Variants in CALHM5 observed in about 807,000 individuals in gnomAD.
CALHM5 encodes calcium homeostasis modulator family member 5.
In CALHM5, 17 loss-of-function variants were observed where a neutral mutation model predicts 20.9. That is an observed-to-expected ratio of 0.82 (90% CI 0.56 to 1.22). The LOEUF is 1.22. Ranked by LOEUF, CALHM5 falls within the 50% of genes most tolerant of loss-of-function variation. The pLI, the probability that CALHM5 is intolerant of heterozygous loss-of-function variation, is 0.00. For synonymous variants in CALHM5, 148 were observed against 140.0 expected (o/e 1.06, Z -0.40); for missense variants, 360 against 364.6 (o/e 0.99, Z 0.10).
rs1393032929 is a variant in CALHM5, at chr6:116,524,295, A to T, written c.*8306A>T. 6.6e-6 allele frequency: 1 copy of T among 152,210 alleles called. No individual in the cohort carries two copies. The highest frequency in any genetic ancestry group is 1.9e-4 in the East Asian group (1 of 5,202). 9.4% of individuals were successfully genotyped at this position (152,210 alleles called of 1,614,324 possible). A position where few individuals can be genotyped will look rare whatever the true frequency, so the allele number is the denominator to read the frequency against. ...TTCTCTTTACATTTGTATATGTTTG[A>T]AAAATTTCATAAGGTACACAACAAA... On this transcript the variant is annotated 3_prime_UTR_variant, in exon 2 of 2. Coordinates refer to ENST00000368599, the MANE Select transcript of CALHM5 (RefSeq NM_153711.5).
Position 116,522,350 on chromosome 6 carries a change from C to G in CALHM5, c.*6361C>G, listed in dbSNP as rs970478533. The G allele has an allele frequency of 2.6e-5, 4 of 152,146 alleles. No homozygotes were observed. The highest frequency in any genetic ancestry group is 9.7e-5 in the African/African-American group (4 of 41,434). The allele number at this position is 152,146 out of a possible 1,614,324, so 9.4% of individuals were successfully genotyped here. The stretch of plus-strand genomic sequence containing the variant: ...AATAAATGTTTGTGGCTTTAAGCCA[C>G]TGAATTTTGGGGCAATATGAAGCGA... On this transcript the variant is annotated 3_prime_UTR_variant, in exon 2 of 2. Coordinates refer to ENST00000368599, the MANE Select transcript of CALHM5 (RefSeq NM_153711.5).
chr6:116,514,122 G>A (rs1040334630), intron 1 of CALHM5, among the ~76,000 whole-genome samples: 2 of 151,984 alleles, frequency 1.3e-5, no homozygotes, highest in African/African-American at 4.8e-5. Context: ...GGCTGGTATG[G>A]AAGCATCCAC....
chr6:116,513,104 A>C (rs9488952), intron 1 of CALHM5, among the ~76,000 whole-genome samples: 4,774 of 151,750 alleles, frequency 0.031, 250 homozygotes, highest in African/African-American at 0.11. Context: ...AAGTGGTAAG[A>C]GTTGATAAGC....
chr6:116,512,630 AAC>A (rs1404406856), intron 1 of CALHM5, among the ~76,000 whole-genome samples: 1 of 152,220 alleles, frequency 6.6e-6, no homozygotes, highest in African/African-American at 2.4e-5. Flanking sequence ...TGTTTTCTCA[AAC>A]ACACACATGT....
Position 116,521,802 on chromosome 6 carries a change from A to T in CALHM5, c.*5813A>T, listed in dbSNP as rs769241483. 1 of 152,246 alleles carries T rather than the reference A, an allele frequency of 6.6e-6. No homozygotes were observed. The highest frequency in any genetic ancestry group is 2.4e-5 in the African/African-American group (1 of 41,454). 9.4% of individuals were successfully genotyped at this position (152,246 alleles called of 1,614,324 possible). A position where few individuals can be genotyped will look rare whatever the true frequency, so the allele number is the denominator to read the frequency against. ...ATGGTTCAATGGCTCCTTCTGGCAG[A>T]TGTAGTCGTGTTATCCTCACTTTGA... On this transcript the variant is annotated 3_prime_UTR_variant, in exon 2 of 2. Coordinates refer to ENST00000368599, the MANE Select transcript of CALHM5 (RefSeq NM_153711.5).
intron 1 of CALHM5, among the ~76,000 whole-genome samples, chr6:116,514,194 C>T (rs1772178388): frequency 6.6e-6 from 1 of 152,032 alleles, no homozygotes; most frequent in Admixed American, 6.6e-5. Context: ...ATGCAAACGT[C>T]ATGTGAAAGG....
chr6:116,511,766 G>C lies in CALHM5; in HGVS notation c.70G>C (p.Ala24Pro). 6.2e-7 allele frequency: 1 copy of C among 1,613,988 alleles called. No homozygotes were observed. The highest frequency in any genetic ancestry group is 8.5e-7 in the Non-Finnish European group (1 of 1,179,966). ...AACTGTTATTGGCTACAGCTTCATG[G>C]CTCTGCTGACCGTGGGAAGTGAGCG... ...QKTVIGYSFM[A>P]LLTVGSERLF... Residue 24 changes from alanine (A) to proline (P), a missense_variant, in exon 1 of 2, where the codon GCT (alanine) becomes CCT (proline). Physicochemically the swap from Ala to Pro is conservative, Grantham distance 27. Coordinates refer to ENST00000368599, the MANE Select transcript of CALHM5 (RefSeq NM_153711.5).
rs1772393653 is a variant in CALHM5 at position 116,523,916 on chromosome 6, A to G, written c.*7927A>G. 1 of 152,238 alleles carries G rather than the reference A, an allele frequency of 6.6e-6. No homozygotes were observed. Among genetic ancestry groups the G allele is most frequent in the Non-Finnish European group, 1.5e-5 (1 of 68,040 alleles). The allele number at this position is 152,238 out of a possible 1,614,324, so 9.4% of individuals were successfully genotyped here. A position where few individuals can be genotyped will look rare whatever the true frequency, so the allele number is the denominator to read the frequency against. On this transcript the variant is annotated 3_prime_UTR_variant, in exon 2 of 2. Coordinates refer to ENST00000368599, the MANE Select transcript of CALHM5 (RefSeq NM_153711.5). ...AAGGAGAATAAAGGAGATATAAGTG[A>G]CTTAATAACCAGATATGCTATATAG... is the stretch of plus-strand genomic sequence containing the variant.
chr6:116,512,491 T>G, intron 1 of CALHM5: 1 of 430,388 alleles, frequency 2.3e-6, no homozygotes, highest in Non-Finnish European at 4.2e-6. Flanking sequence ...ATATAAATAC[T>G]TAAGTACTTT....
Position 116,516,810 on chromosome 6 carries a change from A to G in CALHM5, c.*821A>G, listed in dbSNP as rs1772238056. 1 of 151,750 alleles carries G rather than the reference A, an allele frequency of 6.6e-6. No individual in the cohort carries two copies. Among genetic ancestry groups the G allele is most frequent in the Admixed American group, 6.6e-5 (1 of 15,228 alleles). 9.4% of individuals were successfully genotyped at this position (151,750 alleles called of 1,614,324 possible). A position where few individuals can be genotyped will look rare whatever the true frequency, so the allele number is the denominator to read the frequency against. ...TTTATGTATTTTCTTCTGATTTTAA[A>G]AGAAATTAAAAACATTTTAGTGGGC... On this transcript the variant is annotated 3_prime_UTR_variant, in exon 2 of 2. Coordinates refer to ENST00000368599, the MANE Select transcript of CALHM5 (RefSeq NM_153711.5).
chr6:116,516,157 G>T lies in CALHM5; in HGVS notation c.*168G>T. On this transcript the variant is annotated 3_prime_UTR_variant, in exon 2 of 2. Coordinates refer to ENST00000368599, the MANE Select transcript of CALHM5 (RefSeq NM_153711.5). ...TTGAAGCTCTCAAGTGGAACATCAG[G>T]ATGTGCTCAAATTGATGCTGAGGGG... The T allele has an allele frequency of 1.2e-6, 1 of 848,972 alleles. No homozygotes were observed. The highest frequency in any genetic ancestry group is 1.7e-6 in the Non-Finnish European group (1 of 596,108). The allele number at this position is 848,972 out of a possible 1,614,324, so 52.6% of individuals were successfully genotyped here.
rs1051172 is a variant in CALHM5 at position 116,519,703 on chromosome 6, A to G, written c.*3714A>G. The stretch of plus-strand genomic sequence containing the variant: ...CCACCACTACCCTATTACATAAGAG[A>G]AAAGGATTGGAGAATGCTCTTGAAA... On this transcript the variant is annotated 3_prime_UTR_variant, in exon 2 of 2. Transcript: ENST00000368599. 0.41 allele frequency: 62,307 copies of G among 152,080 alleles called. 14,471 individuals carry two copies. Among genetic ancestry groups the G allele is most frequent in the Middle Eastern group, 0.6 (175 of 294 alleles). 9.4% of individuals were successfully genotyped at this position (152,080 alleles called of 1,614,324 possible). A position where few individuals can be genotyped will look rare whatever the true frequency, so the allele number is the denominator to read the frequency against.
chr6:116,511,911 G>A lies in CALHM5; in HGVS notation c.215G>A (p.Arg72Lys). 6.2e-7 allele frequency: 1 copy of A among 1,614,028 alleles called. No homozygotes were observed. Among genetic ancestry groups the A allele is most frequent in the Non-Finnish European group, 8.5e-7 (1 of 1,180,002 alleles). ...ATCCTGGGATTCTTTCTGAACAATA[G>A]GTCGTGGAGACTCTTCACAGGCTGC... is the stretch of plus-strand genomic sequence containing the variant. ...LLILGFFLNNRSWRLFTGCCV... is the reference protein window; with the variant it reads ...LLILGFFLNNKSWRLFTGCCV... Residue 72 changes from arginine (R) to lysine (K), a missense_variant, in exon 1 of 2, where the codon AGG becomes AAG. Transcript: ENST00000368599.
chr6:116,516,381 A>G lies in CALHM5; in HGVS notation c.*392A>G, dbSNP rs1391297631. On this transcript the variant is annotated 3_prime_UTR_variant, in exon 2 of 2. Transcript: ENST00000368599. Reference sequence around the variant, plus strand: ...ACTCTTAACATAGGTTGCCCTACACAGTGGCTCCTGCAGTGTGATCAGCAG... The same window carrying G: ...ACTCTTAACATAGGTTGCCCTACACGGTGGCTCCTGCAGTGTGATCAGCAG... 6.3e-6 allele frequency: 1 copy of G among 158,336 alleles called. No individual in the cohort carries two copies. Among genetic ancestry groups the G allele is most frequent in the Non-Finnish European group, 1.4e-5 (1 of 72,250 alleles). The allele number at this position is 158,336 out of a possible 1,614,324, so 9.8% of individuals were successfully genotyped here.
rs2281590 is a variant in CALHM5 at position 116,519,416 on chromosome 6, C to T, written c.*3427C>T. ...ATTGCAGCCAAGAGAGAGCATTCCC[C>T]AGAAAACTCCAGGTGAGGAGTCTCC... On this transcript the variant is annotated 3_prime_UTR_variant, in exon 2 of 2. Transcript: ENST00000368599. 57,305 of 151,968 alleles carry T rather than the reference C, an allele frequency of 0.38. 12,455 individuals carry two copies. Among genetic ancestry groups the T allele is most frequent in the East Asian group, 0.54 (2,775 of 5,148 alleles). The allele number at this position is 151,968 out of a possible 1,614,324, so 9.4% of individuals were successfully genotyped here.
In CALHM5 at chr6:116,515,755, C is replaced by T; in HGVS notation, c.696C>T (p.Asp232=). ...AGCAGTTGGAAAATACATTTCTGGA[C>T]TATGCCAACAAGCTGAGCGAGAGGA... is the stretch of plus-strand genomic sequence containing the variant. ...EKEQLENTFL[D]YANKLSERNL... The change falls in exon 2 of 2, where the codon GAC becomes GAT. Residue 232 remains aspartate (D), a synonymous_variant. Transcript: ENST00000368599. 1 of 1,613,986 alleles carries T rather than the reference C, an allele frequency of 6.2e-7. No homozygotes were observed. The highest frequency in any genetic ancestry group is 8.5e-7 in the Non-Finnish European group (1 of 1,179,924).
Position 116,516,031 on chromosome 6 carries a change from C to A in CALHM5, c.*42C>A. The stretch of plus-strand genomic sequence containing the variant: ...GACTCATGGTGTTGAGTGGCATGCT[C>A]ATTCTGTGATCCTCCTAACGTATCA... On this transcript the variant is annotated 3_prime_UTR_variant, in exon 2 of 2. Coordinates refer to ENST00000368599, the MANE Select transcript of CALHM5 (RefSeq NM_153711.5). 6.5e-7 allele frequency: 1 copy of A among 1,535,132 alleles called. No homozygotes were observed. The highest frequency in any genetic ancestry group is 1.3e-5 in the South Asian group (1 of 77,544).
At position 116,512,101 on chromosome 6, in the gene CALHM5, A is replaced by G. The variant is rs750429550; in HGVS notation, c.405A>G (p.Ser135=). 1 of 1,614,076 alleles carries G rather than the reference A, an allele frequency of 6.2e-7. No homozygotes were observed. Among genetic ancestry groups the G allele is most frequent in the South Asian group, 1.1e-5 (1 of 91,082 alleles). Reference sequence around the variant, plus strand: ...GTGCCATGAGCGGGACGAGAAGTTCAGGACTCCTGGAACTGATTTGCAAGG... The same window carrying G: ...GTGCCATGAGCGGGACGAGAAGTTCGGGACTCCTGGAACTGATTTGCAAGG... ...YECAMSGTRS[S]GLLELICKGK... The change falls in exon 1 of 2, where the codon TCA becomes TCG. Residue 135 remains serine, a synonymous_variant. Coordinates refer to ENST00000368599, the MANE Select transcript of CALHM5 (RefSeq NM_153711.5).
chr6:116,516,289 A>C lies in CALHM5; in HGVS notation c.*300A>C. ...CAGACAGACTCATGTGAGAGGGCTC[A>C]TCAGTCTCTGTAAATATTGGTTGCA... On this transcript the variant is annotated 3_prime_UTR_variant, in exon 2 of 2. Transcript: ENST00000368599. 4.0e-6 allele frequency: 1 copy of C among 251,216 alleles called. No individual in the cohort carries two copies. The allele number at this position is 251,216 out of a possible 1,614,324, so 15.6% of individuals were successfully genotyped here.
Sources: allele counts gnomAD v4.1 joint callset (sites outside exome capture counted in the v4.1 genomes callset), GRCh38; gene constraint gnomAD v4.1.1; transcripts MANE v1.5; gene names NCBI Gene and HGNC (gene_info 2026-07-23, HGNC 2026-07-21).